Variants in SGCZ observed in about 807,000 individuals in gnomAD.
SGCZ encodes sarcoglycan zeta.
SGCZ carries 40 observed loss-of-function variants against 41.3 expected under a neutral mutation model. That is an observed-to-expected ratio of 0.97 (90% CI 0.75 to 1.26). The LOEUF is 1.26. Among genes scored for constraint, SGCZ ranks in the 50% most tolerant of loss-of-function variants. SGCZ has a pLI of 0.00. For missense variants in SGCZ, 552 were observed against 369.8 expected, an observed-to-expected ratio of 1.49 and a Z score of -4.04; for synonymous variants, 206 against 137.5, an observed-to-expected ratio of 1.50 and a Z score of -3.49.
chr8:14,336,318 A>C (rs1802504375), intron 2 of SGCZ, among the ~76,000 whole-genome samples: 1 of 152,108 alleles, frequency 6.6e-6, no homozygotes, highest in Admixed American at 6.6e-5. Context: ...CAGTCTACAA[A>C]TGATGGGCAT....
At chr8:14,634,994 T>C (rs1806781251) in intron 1 of SGCZ, among the ~76,000 whole-genome samples, 1 of 151,780 alleles carries the variant, frequency 6.6e-6, no homozygotes, top group Admixed American at 6.6e-5. Context: ...GGAGGGGTAA[T>C]TAACTTTTAT....
intron 1 of SGCZ, among the ~76,000 whole-genome samples, chr8:15,179,559 T>C (rs2117083277): frequency 6.6e-6 from 1 of 152,270 alleles, no homozygotes; most frequent in South Asian, 2.1e-4. Context: ...ATGTGAATAG[T>C]TTACAATTCA....
intron 3 of SGCZ, among the ~76,000 whole-genome samples, chr8:14,301,181 A>T (rs911458109): frequency 1.3e-4 from 19 of 151,992 alleles, no homozygotes; most frequent in Non-Finnish European, 2.2e-4. Context: ...TAGTATTAAC[A>T]TGTACAACCT....
intron 1 of SGCZ, among the ~76,000 whole-genome samples, chr8:14,598,996 A>G (rs1805502173): frequency 6.6e-6 from 1 of 152,130 alleles, no homozygotes; most frequent in South Asian, 2.1e-4. Context: ...CAATATCCAC[A>G]TAATGTTTAA....
chr8:14,261,288 T>TA (rs1393679523), intron 3 of SGCZ, among the ~76,000 whole-genome samples: 1 of 152,156 alleles, frequency 6.6e-6, no homozygotes, highest in Non-Finnish European at 1.5e-5. Context: ...AATTGTGATT[T>TA]AATAAGCACA....
At chr8:14,846,286 T>C (rs73535057) in intron 1 of SGCZ, among the ~76,000 whole-genome samples, 5,258 of 152,094 alleles carry the variant, frequency 0.035, 225 homozygotes, top group African/African-American at 0.1. Context: ...TATGAGGAAG[T>C]GTTGATTAAA....
intron 2 of SGCZ, among the ~76,000 whole-genome samples, chr8:14,469,941 T>G (rs1801167302): frequency 6.6e-6 from 1 of 152,148 alleles, no homozygotes; most frequent in Non-Finnish European, 1.5e-5. Flanking sequence ...CCAGTAAATG[T>G]GTTTATCTGA....
intron 1 of SGCZ, among the ~76,000 whole-genome samples, chr8:14,674,583 T>C (rs1808210699): frequency 6.6e-6 from 1 of 152,144 alleles, no homozygotes; most frequent in Admixed American, 6.6e-5. Context: ...TTTGATACGG[T>C]TTGGGTTACT....
intron 5 of SGCZ, among the ~76,000 whole-genome samples, chr8:14,152,696 A>G (rs1803748905): frequency 6.6e-6 from 1 of 152,200 alleles, no homozygotes; most frequent in South Asian, 2.1e-4. Flanking sequence ...CAGATAAAGA[A>G]AAAAAATTGT....
chr8:14,671,864 C>G (rs1458131289), intron 1 of SGCZ, among the ~76,000 whole-genome samples: 2 of 152,100 alleles, frequency 1.3e-5, no homozygotes, highest in African/African-American at 4.8e-5. Context: ...TATCCTAATT[C>G]TGGAATATGT....
intron 1 of SGCZ, among the ~76,000 whole-genome samples, chr8:15,067,743 G>C (rs1022630420): frequency 1.3e-5 from 2 of 151,574 alleles, no homozygotes; most frequent in South Asian, 4.2e-4. Flanking sequence ...ATATCTATTA[G>C]CTGCCTATTC....
At chr8:14,190,920 C>T (rs796778593) in intron 4 of SGCZ, among the ~76,000 whole-genome samples, 2 of 152,112 alleles carry the variant, frequency 1.3e-5, no homozygotes, top group South Asian at 4.1e-4. Context: ...TAAGAATATC[C>T]TTACTTGTTC....
At chr8:14,651,284 G>C (rs575872469) in intron 1 of SGCZ, among the ~76,000 whole-genome samples, 1 of 151,942 alleles carries the variant, frequency 6.6e-6, no homozygotes, top group Admixed American at 6.6e-5. Context: ...CATTAAGAGG[G>C]CATTTTATGA....
chr8:14,620,284 T>C (rs1431663344), intron 1 of SGCZ, among the ~76,000 whole-genome samples: 2 of 152,002 alleles, frequency 1.3e-5, no homozygotes, highest in East Asian at 3.9e-4. Flanking sequence ...ATACAAAAAT[T>C]AATTCAAGAT....
intron 2 of SGCZ, among the ~76,000 whole-genome samples, chr8:14,406,985 C>G (rs1159936506): frequency 6.6e-6 from 1 of 151,418 alleles, no homozygotes; most frequent in African/African-American, 2.4e-5. Context: ...CCCTCTAGGA[C>G]TAAGCCTTGA....
intron 1 of SGCZ, among the ~76,000 whole-genome samples, chr8:14,980,075 T>C (rs368878795): frequency 3.9e-5 from 6 of 152,306 alleles, no homozygotes; most frequent in South Asian, 4.1e-4. Context: ...AGTAAAGTGA[T>C]GGAGATCCTA....
chr8:14,854,882 C>T (rs539203810), intron 1 of SGCZ, among the ~76,000 whole-genome samples: 1 of 151,692 alleles, frequency 6.6e-6, no homozygotes, highest in Non-Finnish European at 1.5e-5. Context: ...GCTGCACTGC[C>T]ACTATTCACA....
intron 3 of SGCZ, among the ~76,000 whole-genome samples, chr8:14,322,407 C>T (rs1801953409): frequency 6.6e-6 from 1 of 152,082 alleles, no homozygotes; most frequent in Non-Finnish European, 1.5e-5. Context: ...AACTAGGAAG[C>T]GCAAGTGGCT....
intron 3 of SGCZ, among the ~76,000 whole-genome samples, chr8:14,296,601 A>T (rs1281877874): frequency 6.6e-6 from 1 of 152,176 alleles, no homozygotes; most frequent in Non-Finnish European, 1.5e-5. Context: ...AAACTATACT[A>T]TTGGAAGGTT....
Sources: allele counts gnomAD v4.1 joint callset (sites outside exome capture counted in the v4.1 genomes callset), GRCh38; gene constraint gnomAD v4.1.1; transcripts MANE v1.5; gene names NCBI Gene and HGNC (gene_info 2026-07-23, HGNC 2026-07-21).